The following PCYT1B variants were observed in gnomAD, a reference collection of about 807,000 sequenced individuals.
PCYT1B encodes phosphate cytidylyltransferase 1B, choline.
PCYT1B carries 10 observed loss-of-function variants against 26.4 expected under a neutral mutation model. The ratio of observed to expected loss-of-function variants is 0.38; its 90% CI spans 0.23 to 0.64. PCYT1B has a LOEUF of 0.64. Ranked by LOEUF, PCYT1B falls within the 30% of genes least tolerant of loss-of-function variation. The pLI, the probability that PCYT1B is intolerant of heterozygous loss-of-function variation, is 0.56. For synonymous variants in PCYT1B, 131 were observed against 108.4 expected (o/e 1.21, Z -1.29); for missense variants, 161 against 292.7 (o/e 0.55, Z 3.28).
At chrX:24,577,806 C>T (rs1436551189) in intron 6 of PCYT1B, among the ~76,000 whole-genome samples, 5 of 111,595 alleles carry the variant, frequency 4.5e-5, no homozygotes, top group Non-Finnish European at 5.6e-5. Flanking sequence ...TCTGTATGTA[C>T]GGAGGGTTCT....
At chrX:24,629,024 C>G (rs774581392) in intron 1 of PCYT1B, among the ~76,000 whole-genome samples, 41 of 112,143 alleles carry the variant, frequency 3.7e-4, no homozygotes, top group African/African-American at 1.3e-3. Flanking sequence ...TTGCTGCCAT[C>G]TCACTGGCAT....
At chrX:24,627,770 G>A (rs979970591) in intron 1 of PCYT1B, among the ~76,000 whole-genome samples, 2 of 111,786 alleles carry the variant, frequency 1.8e-5, no homozygotes, top group Non-Finnish European at 3.8e-5. Flanking sequence ...CAGGGTGATC[G>A]CAGCGGAGGT....
chrX:24,599,606 G>A (rs750392538), intron 3 of PCYT1B, among the ~76,000 whole-genome samples: 31 of 111,556 alleles, frequency 2.8e-4, no homozygotes, highest in Non-Finnish European at 4.9e-4. Context: ...ATAATGTGGT[G>A]CTTTGGTTAG....
At position 24,647,255 on chromosome X, in the gene PCYT1B, A is replaced by C; in HGVS notation, c.-150T>G. ...TCTTTCTGTCTTCCCTAGGGGAAGT[A>C]AAGAGGTTACCCCCCGCCCCTCTCT... On this transcript the variant is annotated 5_prime_UTR_variant, in exon 1 of 8. Transcript: ENST00000379144. The C allele has an allele frequency of 1.0e-6, 1 of 971,667 alleles. No individual in the cohort carries two copies. Among genetic ancestry groups the C allele is most frequent in the Middle Eastern group, 3.9e-4 (1 of 2,536 alleles). 80.1% of individuals were successfully genotyped at this position (971,667 alleles called of 1,213,427 possible).
chrX:24,635,657 C>G (rs1249251401), intron 1 of PCYT1B, among the ~76,000 whole-genome samples: 1 of 111,779 alleles, frequency 8.9e-6, no homozygotes, highest in African/African-American at 3.2e-5. Context: ...GATCTCCCAC[C>G]TATTTGAGAA....
chrX:24,579,309 T>C lies in PCYT1B; in HGVS notation c.708+7A>G. 1 of 1,208,871 alleles carries C rather than the reference T, an allele frequency of 8.3e-7. No homozygotes were observed. The highest frequency in any genetic ancestry group is 1.1e-6 in the Non-Finnish European group (1 of 893,606). ...GGTCTTCAGAGGGTTTGAGGTGGCA[T>C]GCTTACATTTATAAAGCTGACATTC... On this transcript the variant is annotated splice_region_variant and intron_variant, in intron 6 of 7. Coordinates refer to ENST00000379144, the MANE Select transcript of PCYT1B (RefSeq NM_004845.5).
chrX:24,651,536 TC>T (rs1926782611), upstream of PCYT1B, among the ~76,000 whole-genome samples: 1 of 90,992 alleles, frequency 1.1e-5, no homozygotes, highest in African/African-American at 3.9e-5. Flanking sequence ...CATATATTAT[TC>T]TTTTTTTTTT....
intron 1 of PCYT1B, among the ~76,000 whole-genome samples, chrX:24,654,701 G>C (rs1471951248): frequency 2.3e-5 from 2 of 85,226 alleles, no homozygotes; most frequent in Non-Finnish European, 4.3e-5. Flanking sequence ...AGTGAGCCGA[G>C]ATTGCGCCAG....
At chrX:24,654,095 TC>T (rs56389786) in intron 1 of PCYT1B, among the ~76,000 whole-genome samples, 21,200 of 63,966 alleles carry the variant, frequency 0.33, 4,049 homozygotes, top group East Asian at 0.48. Context: ...TTTCTTTCTT[TC>T]TTTCTTTTTT....
rs1482236192 is a variant in PCYT1B, at chrX:24,558,811, T to C, written c.*3482A>G. On this transcript the variant is annotated 3_prime_UTR_variant, in exon 8 of 8. Transcript: ENST00000379144. Reference sequence around the variant, plus strand: ...GAAGCAAGTCGTTCAGTGTGACTTATGGCACAGCAATCCCACCCTTGTTTC... The same window carrying C: ...GAAGCAAGTCGTTCAGTGTGACTTACGGCACAGCAATCCCACCCTTGTTTC... 1 of 110,090 alleles carries C rather than the reference T, an allele frequency of 9.1e-6. No homozygotes were observed. Among genetic ancestry groups the C allele is most frequent in the Non-Finnish European group, 1.9e-5 (1 of 52,821 alleles). 9.1% of individuals were successfully genotyped at this position (110,090 alleles called of 1,213,427 possible). A position where few individuals can be genotyped will look rare whatever the true frequency, so the allele number is the denominator to read the frequency against.
At chrX:24,620,683 TGACACTCACTAACA>T (rs1307459118) in intron 1 of PCYT1B, among the ~76,000 whole-genome samples, 7 of 112,100 alleles carry the variant, frequency 6.2e-5, no homozygotes, top group Non-Finnish European at 1.1e-4. Context: ...TGAAAGGAAC[TGACACTCACTAACA>T]GACACTCACT....
At chrX:24,607,650 T>C in intron 3 of PCYT1B, 95 bp downstream of exon 3, 1 of 483,119 alleles carries the variant, frequency 2.1e-6, no homozygotes, top group Non-Finnish European at 3.7e-6. Flanking sequence ...GCATTAACAA[T>C]GTGAGATTTT....
chrX:24,671,752 A>G (rs756371785), intron 1 of PCYT1B, among the ~76,000 whole-genome samples: 2 of 111,242 alleles, frequency 1.8e-5, no homozygotes, highest in South Asian at 7.8e-4. Flanking sequence ...TCTTCTTCAC[A>G]TCATCTGGGG....
intron 2 of PCYT1B, among the ~76,000 whole-genome samples, chrX:24,614,276 CCT>C (rs1925412139): frequency 1.8e-5 from 2 of 112,442 alleles, no homozygotes; most frequent in African/African-American, 6.4e-5. Flanking sequence ...TTTGTCATTA[CCT>C]CTTCTAGAAT....
upstream of PCYT1B, among the ~76,000 whole-genome samples, chrX:24,651,473 ATATATATATATATAT>A (rs1382932979): frequency 0.045 from 1,266 of 28,063 alleles, 174 homozygotes; most frequent in South Asian, 0.072. Flanking sequence ...AAAAAAAAAA[ATATATATATATATAT>A]ATATATATAT....
At chrX:24,577,434 A>G (rs1924057586) in intron 6 of PCYT1B, among the ~76,000 whole-genome samples, 2 of 112,246 alleles carry the variant, frequency 1.8e-5, no homozygotes, top group Non-Finnish European at 3.7e-5. Flanking sequence ...GAAAGAACAG[A>G]CAGTTTAATT....
intron 1 of PCYT1B, among the ~76,000 whole-genome samples, chrX:24,632,884 A>C (rs751985599): frequency 8.9e-6 from 1 of 111,764 alleles, no homozygotes; most frequent in South Asian, 3.7e-4. Flanking sequence ...GGATGATTAT[A>C]GTTAACAACA....
intron 3 of PCYT1B, among the ~76,000 whole-genome samples, chrX:24,590,766 T>C (rs929793036): frequency 1.9e-5 from 2 of 106,859 alleles, no homozygotes; most frequent in Non-Finnish European, 3.8e-5. Context: ...TTTGATCTAG[T>C]AGAGTTCATC....
At chrX:24,625,169 C>T (rs1483275538) in intron 1 of PCYT1B, among the ~76,000 whole-genome samples, 1 of 112,159 alleles carries the variant, frequency 8.9e-6, no homozygotes, top group African/African-American at 3.2e-5. Flanking sequence ...AAGATAAGAA[C>T]AGGACTTCAG....
Sources: allele counts gnomAD v4.1 joint callset (sites outside exome capture counted in the v4.1 genomes callset), GRCh38; gene constraint gnomAD v4.1.1; transcripts MANE v1.5; gene names NCBI Gene and HGNC (gene_info 2026-07-23, HGNC 2026-07-21).